Variants in FERMT3 observed in about 807,000 individuals in gnomAD.
FERMT3 encodes the protein FERM domain containing kindlin 3.
FERMT3 carries 33 observed loss-of-function variants against 80.8 expected under a neutral mutation model. That is an observed-to-expected ratio of 0.41 (90% CI 0.31 to 0.55). FERMT3 has a LOEUF of 0.55. Among genes scored for constraint, FERMT3 ranks in the 20% least tolerant of loss-of-function variants. The probability of loss-of-function intolerance (pLI) is 0.31; values close to 1 mark genes in which losing one functional copy is unlikely to be tolerated. For synonymous variants in FERMT3, 375 were observed against 372.2 expected (o/e 1.01, Z -0.09); for missense variants, 754 against 908.7 (o/e 0.83, Z 2.19).
chr11:64,221,746 G>C (rs900171762), intron 13 of FERMT3, among the ~76,000 whole-genome samples: 1 of 151,528 alleles, frequency 6.6e-6, no homozygotes, highest in Non-Finnish European at 1.5e-5. Context: ...GGCCAACATA[G>C]TGAAACCCTG....
chr11:64,220,399 C>T, intron 11 of FERMT3, 37 bp from the exon 12 acceptor site: 1 of 1,609,296 alleles, frequency 6.2e-7, no homozygotes, highest in Non-Finnish European at 8.5e-7. Context: ...GAGCATCAAG[C>T]TTGGTTAGCA....
In FERMT3 at chr11:64,220,672, A is replaced by G. The variant is rs1387088288; in HGVS notation, c.1545+3A>G. On this transcript the variant is annotated splice_donor_region_variant and intron_variant, in intron 12 of 14. Transcript: ENST00000345728. ...AGCGAAAGTTCAAGGCCAAGCAGGT[A>G]CCAGAAGGCGTCAGGGTGGGAATGA... is the stretch of plus-strand genomic sequence containing the variant. 2 of 1,608,348 alleles carry G rather than the reference A, an allele frequency of 1.2e-6. No homozygotes were observed. The highest frequency in any genetic ancestry group is 3.4e-5 in the Admixed American group (2 of 59,394).
chr11:64,212,106 G>A (rs563660441), intron 6 of FERMT3, among the ~76,000 whole-genome samples: 528 of 152,298 alleles, frequency 3.5e-3, no homozygotes, highest in Non-Finnish European at 6.5e-3. Flanking sequence ...GCCCAAGCCT[G>A]GGAGCTCTGG....
intron 6 of FERMT3, among the ~76,000 whole-genome samples, chr11:64,215,326 A>C (rs141296710): frequency 6.6e-6 from 1 of 152,196 alleles, no homozygotes; most frequent in South Asian, 2.1e-4. Flanking sequence ...TAAGGCTATT[A>C]GCCATCTGGA....
intron 2 of FERMT3, among the ~76,000 whole-genome samples, chr11:64,208,641 T>G (rs1255488083): frequency 6.6e-6 from 1 of 152,180 alleles, no homozygotes; most frequent in Non-Finnish European, 1.5e-5. Flanking sequence ...CATGGGGGCC[T>G]GGAGCCAGAG....
In FERMT3 at chr11:64,207,391, G is replaced by T. The variant is rs147987989; in HGVS notation, c.27G>T (p.Gly9=). 7 of 1,614,068 alleles carry T rather than the reference G, an allele frequency of 4.3e-6. No homozygotes were observed. The highest frequency in any genetic ancestry group is 5.9e-6 in the Non-Finnish European group (7 of 1,180,038). Reference sequence around the variant, plus strand: ...TGGCGGGGATGAAGACAGCCTCCGGGGACTACATCGACTCGTCATGGGAGC... The same window carrying T: ...TGGCGGGGATGAAGACAGCCTCCGGTGACTACATCGACTCGTCATGGGAGC... MAGMKTAS[G]DYIDSSWELR... Residue 9 remains glycine, a synonymous_variant, in exon 2 of 15, where the codon GGG becomes GGT. Transcript: ENST00000345728.
intron 13 of FERMT3, among the ~76,000 whole-genome samples, chr11:64,221,798 G>A (rs12364821): frequency 0.014 from 1,959 of 136,140 alleles, 37 homozygotes; most frequent in Non-Finnish European, 0.02. Flanking sequence ...GTGGTGGCAC[G>A]CACCTGTAGT....
intron 13 of FERMT3, among the ~76,000 whole-genome samples, chr11:64,222,584 A>G (rs992518164): frequency 6.2e-4 from 89 of 144,154 alleles, no homozygotes; most frequent in Non-Finnish European, 9.7e-4. Flanking sequence ...AAAAAAAAAA[A>G]AGAGATTTCA....
At chr11:64,207,211 G>A in intron 1 of FERMT3, 140 bp from the exon 2 acceptor site, 1 of 919,128 alleles carries the variant, frequency 1.1e-6, no homozygotes, top group Admixed American at 2.3e-5. Context: ...CCACGGGCGT[G>A]CTGGCCTGGG....
At chr11:64,212,158 TG>T (rs1462234415) in intron 6 of FERMT3, among the ~76,000 whole-genome samples, 2 of 152,174 alleles carry the variant, frequency 1.3e-5, no homozygotes, top group Admixed American at 6.5e-5. Flanking sequence ...CTGCAGGACC[TG>T]GGGGTGGGTG....
rs535542519 is a variant in FERMT3, at chr11:64,211,222, G to T, written c.514+51G>T. ...GGGGGTTGGGGGCAGGGGCCGGCCC[G>T]TGAGTCCCAGCCCTGGGGGACAGGC... On this transcript the variant is annotated intron_variant, in intron 4 of 14. Coordinates refer to ENST00000345728, the MANE Select transcript of FERMT3 (RefSeq NM_031471.6). This position sits in a 1 kb window ranked among gnomAD's most constrained non-coding sequence, Gnocchi z 4.7. 3 of 1,607,178 alleles carry T rather than the reference G, an allele frequency of 1.9e-6. No individual in the cohort carries two copies. The African/African-American group carries it at 4.0e-5, about 21-fold the overall frequency.
chr11:64,222,951 G>A (rs990129917), intron 13 of FERMT3, 97 bp from the exon 14 acceptor site: 27 of 1,543,654 alleles, frequency 1.7e-5, no homozygotes, highest in South Asian at 3.4e-5. Context: ...AGCTGCAGTC[G>A]GGAAGGGCTG....
In FERMT3 at chr11:64,219,186, C is replaced by T. The variant is rs1946616377; in HGVS notation, c.787-65C>T. On this transcript the variant is annotated intron_variant, in intron 6 of 14. Transcript: ENST00000345728. The surrounding 1 kb of genome is among the most constrained non-coding windows in gnomAD (Gnocchi z 4.0). ...GGCCAAGGCTGGCAGGGGCTCAGTG[C>T]AGGGCGTCCAGGGCAGCTGGCATCT... The T allele has an allele frequency of 4.8e-6, 7 of 1,468,330 alleles. No individual in the cohort carries two copies. The highest frequency in any genetic ancestry group is 6.5e-6 in the Non-Finnish European group (7 of 1,074,942). The allele number at this position is 1,468,330 out of a possible 1,614,324, so 91.0% of individuals were successfully genotyped here. A position where few individuals can be genotyped will look rare whatever the true frequency, so the allele number is the denominator to read the frequency against.
chr11:64,207,571 G>C (rs529425713), intron 2 of FERMT3, 47 bp downstream of exon 2: 3 of 1,567,884 alleles, frequency 1.9e-6, no homozygotes, highest in Non-Finnish European at 2.6e-6. Flanking sequence ...ATGGGCGGCC[G>C]CCACGGGTGT....
At position 64,219,158 on chromosome 11, in the gene FERMT3, G is replaced by A; in HGVS notation, c.787-93G>A. The A allele has an allele frequency of 8.0e-7, 1 of 1,248,572 alleles. No individual in the cohort carries two copies. Among genetic ancestry groups the A allele is most frequent in the Non-Finnish European group, 1.1e-6 (1 of 879,702 alleles). 77.3% of individuals were successfully genotyped at this position (1,248,572 alleles called of 1,614,324 possible). A position where few individuals can be genotyped will look rare whatever the true frequency, so the allele number is the denominator to read the frequency against. ...CTGCCTCAGCAAGGAGGGCAGGGCA[G>A]AGGGCCAAGGCTGGCAGGGGCTCAG... On this transcript the variant is annotated intron_variant, in intron 6 of 14. Coordinates refer to ENST00000345728, the MANE Select transcript of FERMT3 (RefSeq NM_031471.6). The surrounding 1 kb of genome is among the most constrained non-coding windows in gnomAD (Gnocchi z 4.0).
chr11:64,210,000 A>G (rs78897741), intron 2 of FERMT3, among the ~76,000 whole-genome samples: 2 of 152,332 alleles, frequency 1.3e-5, no homozygotes, highest in East Asian at 3.9e-4. Context: ...ATGTGCGTGC[A>G]CAAGTTTGCT....
chr11:64,215,136 G>A (rs1946523581), intron 6 of FERMT3, among the ~76,000 whole-genome samples: 1 of 152,152 alleles, frequency 6.6e-6, no homozygotes, highest in African/African-American at 2.4e-5. Flanking sequence ...AATGTGTATG[G>A]TTGTGCAACC....
In FERMT3 at chr11:64,223,084, C is replaced by T. The variant is rs746482825; in HGVS notation, c.1707C>T (p.Ile569=). Residue 569 remains isoleucine (I), a synonymous_variant, in exon 14 of 15, where the codon ATC becomes ATT. Coordinates refer to ENST00000345728, the MANE Select transcript of FERMT3 (RefSeq NM_031471.6). ...GCAGGAAAGACGAGATCCTGGGCAT[C>T]GCCAACAACCGACTGATCCGCATCG... The part of the protein sequence containing the change: ...KGSRKDEILG[I]ANNRLIRIDL... 8.7e-6 allele frequency: 14 copies of T among 1,613,702 alleles called. No individual in the cohort carries two copies. The Admixed American group carries it at 1.8e-4, about 21-fold the overall frequency.
rs193264394 is a variant in FERMT3 at position 64,218,960 on chromosome 11, C to G, written c.787-291C>G. 1.7e-3 allele frequency among the ~76,000 whole-genome samples: 253 copies of G among 152,350 alleles called. 2 individuals carry two copies. The highest frequency in any genetic ancestry group is 5.7e-3 in the African/African-American group (237 of 41,580). On this transcript the variant is annotated intron_variant, in intron 6 of 14. Transcript: ENST00000345728. ...TTTATTGCAGCCTTGGATTATTTGA[C>G]TTATTGATTGGTTTACTCGGTCTCT...
Sources: allele counts gnomAD v4.1 joint callset (sites outside exome capture counted in the v4.1 genomes callset), GRCh38; gene constraint gnomAD v4.1.1; non-coding constraint Gnocchi (gnomAD v3.1); transcripts MANE v1.5; gene names NCBI Gene and HGNC (gene_info 2026-07-23, HGNC 2026-07-21).